The following TMEM51 variants were observed in gnomAD, a reference collection of about 807,000 sequenced individuals.
TMEM51 encodes transmembrane protein 51.
TMEM51 carries 8 observed loss-of-function variants against 13.6 expected under a neutral mutation model. The observed-to-expected ratio is 0.59, with a 90% CI of 0.35 to 1.07. The LOEUF (loss-of-function observed/expected upper bound fraction) is 1.07, where lower values mean the gene tolerates loss of function less well. TMEM51 is among the 50% of genes least tolerant of loss of function. The pLI is 0.02. For synonymous variants in TMEM51, 147 were observed against 144.4 expected (o/e 1.02, Z -0.13); for missense variants, 279 against 330.7 (o/e 0.84, Z 1.21).
At chr1:15,195,025 A>G (rs1242231220) in intron 1 of TMEM51, among the ~76,000 whole-genome samples, 1 of 149,030 alleles carries the variant, frequency 6.7e-6, no homozygotes, top group African/African-American at 2.5e-5. Flanking sequence ...CCCAGGCTCA[A>G]GTGATCCTCC....
upstream of TMEM51, chr1:15,152,585 C>G (rs139880916): frequency 1.0e-3 from 160 of 152,630 alleles, no homozygotes; most frequent in African/African-American, 3.5e-3. Context: ...GACGCTCACC[C>G]AAGAAGGGGA....
chr1:15,175,388 G>T (rs1461305391), intron 1 of TMEM51, among the ~76,000 whole-genome samples: 3 of 152,062 alleles, frequency 2.0e-5, no homozygotes, highest in Non-Finnish European at 4.4e-5. Context: ...CAATAAGAGC[G>T]AAACTCCATC....
intron 1 of TMEM51, among the ~76,000 whole-genome samples, chr1:15,173,241 A>G (rs1643353639): frequency 9.1e-6 from 1 of 109,746 alleles, no homozygotes; most frequent in Admixed American, 1.2e-4. Context: ...TTTTTTTGAA[A>G]CGGAGTTTCG....
At chr1:15,177,229 T>C (rs1202845599) in intron 1 of TMEM51, among the ~76,000 whole-genome samples, 3 of 152,138 alleles carry the variant, frequency 2.0e-5, no homozygotes, top group South Asian at 4.2e-4. Flanking sequence ...TTACATAAAA[T>C]AAATAACAAA....
intron 1 of TMEM51, among the ~76,000 whole-genome samples, chr1:15,194,917 CTTTTTTTTTT>C (rs34885407): frequency 1.1e-5 from 1 of 93,484 alleles, no homozygotes; most frequent in Non-Finnish European, 2.0e-5. Flanking sequence ...TATAATTTTA[CTTTTTTTTTT>C]TTTTTTTTTT....
chr1:15,208,447 A>C (rs1644286103), intron 1 of TMEM51, among the ~76,000 whole-genome samples: 1 of 152,108 alleles, frequency 6.6e-6, no homozygotes, highest in Non-Finnish European at 1.5e-5. Context: ...ACACAGCAAG[A>C]TTCCATCTCT....
rs1644322284 is a variant in TMEM51 at position 15,210,523 on chromosome 1, T to C, written c.-233T>C. 6.6e-6 allele frequency: 1 copy of C among 152,242 alleles called. No homozygotes were observed. The highest frequency in any genetic ancestry group is 1.5e-5 in the Non-Finnish European group (1 of 68,046). The allele number at this position is 152,242 out of a possible 1,614,324, so 9.4% of individuals were successfully genotyped here. On this transcript the variant is annotated 5_prime_UTR_variant, in exon 2 of 4. Transcript: ENST00000376008. Reference sequence around the variant, plus strand: ...TTAACTCAAGACTAGCATGAAGAGTTGCCTTCTGGCCTGCCCTGAGTCTCC... The same window carrying C: ...TTAACTCAAGACTAGCATGAAGAGTCGCCTTCTGGCCTGCCCTGAGTCTCC...
At chr1:15,184,180 C>T (rs1336752869) in intron 1 of TMEM51, among the ~76,000 whole-genome samples, 2 of 119,144 alleles carry the variant, frequency 1.7e-5, no homozygotes, top group African/African-American at 5.6e-5. Flanking sequence ...GCGTGCGCCA[C>T]CACACCAGGA....
chr1:15,207,361 C>A lies in TMEM51; in HGVS notation c.-266-3129C>A, dbSNP rs1019622510. ...CGATTCCCAGTTTCTAAACTGTGTC[C>A]TGGAGAGTTTCTGCAATTCAGCGAG... On this transcript the variant is annotated intron_variant, in intron 1 of 3. Coordinates refer to ENST00000376008, the MANE Select transcript of TMEM51 (RefSeq NM_001136218.2). The surrounding 1 kb of genome is among the most constrained non-coding windows in gnomAD (Gnocchi z 4.6). 5.3e-5 allele frequency among the ~76,000 whole-genome samples: 8 copies of A among 152,240 alleles called. No homozygotes were observed. Among genetic ancestry groups the A allele is most frequent in the African/African-American group, 1.4e-4 (6 of 41,466 alleles).
chr1:15,163,545 G>A (rs1325030574), intron 1 of TMEM51, among the ~76,000 whole-genome samples: 1 of 151,790 alleles, frequency 6.6e-6, no homozygotes, highest in Non-Finnish European at 1.5e-5. Context: ...ACTGCCCAGA[G>A]GCTTTAGAAA....
intron 1 of TMEM51, among the ~76,000 whole-genome samples, chr1:15,167,651 G>A (rs1278430193): frequency 6.6e-6 from 1 of 152,134 alleles, no homozygotes; most frequent in African/African-American, 2.4e-5. Flanking sequence ...CCAGCACCAG[G>A]GCTATGCAGG....
chr1:15,206,552 G>A (rs554865876), intron 1 of TMEM51, among the ~76,000 whole-genome samples: 15 of 152,232 alleles, frequency 9.9e-5, no homozygotes, highest in East Asian at 5.8e-4. Flanking sequence ...GCCACTTACC[G>A]GCTGTGTGGC....
chr1:15,199,824 C>A (rs1644119482), intron 1 of TMEM51, among the ~76,000 whole-genome samples: 1 of 151,986 alleles, frequency 6.6e-6, no homozygotes, highest in African/African-American at 2.4e-5. Flanking sequence ...TGCTGCTGGG[C>A]AGAGGTGGGA....
chr1:15,198,510 G>A (rs753625123), intron 1 of TMEM51, among the ~76,000 whole-genome samples: 9 of 152,174 alleles, frequency 5.9e-5, no homozygotes, highest in East Asian at 1.9e-4. Context: ...TCTGCCTCCC[G>A]GGTTCAAGTG....
chr1:15,219,762 C>A lies in TMEM51; in HGVS notation c.*19C>A. 6.2e-7 allele frequency: 1 copy of A among 1,608,482 alleles called. No individual in the cohort carries two copies. The highest frequency in any genetic ancestry group is 8.5e-7 in the Non-Finnish European group (1 of 1,177,394). On this transcript the variant is annotated 3_prime_UTR_variant, in exon 4 of 4. Coordinates refer to ENST00000376008, the MANE Select transcript of TMEM51 (RefSeq NM_001136218.2). ...CGACTGAATGGCCCCACTTGAGCCA[C>A]GCTCCCTCCTGTCTCTCACACCTTT...
intron 1 of TMEM51, among the ~76,000 whole-genome samples, chr1:15,195,610 C>T (rs1026260573): frequency 2.0e-5 from 3 of 152,178 alleles, no homozygotes; most frequent in Admixed American, 1.3e-4. Flanking sequence ...TTCTCTGAGT[C>T]TCTTGACTCA....
intron 1 of TMEM51, among the ~76,000 whole-genome samples, chr1:15,177,956 G>A (rs901210309): frequency 4.6e-5 from 7 of 152,166 alleles, no homozygotes; most frequent in South Asian, 2.1e-4. Context: ...AGGGAGACAC[G>A]ACTTATCAAA....
intron 1 of TMEM51, among the ~76,000 whole-genome samples, chr1:15,177,051 G>A (rs1284714025): frequency 6.6e-6 from 1 of 152,148 alleles, no homozygotes; most frequent in Non-Finnish European, 1.5e-5. Context: ...CTGGCCAGAT[G>A]GGAGGCAGCA....
chr1:15,220,069 T>G lies in TMEM51; in HGVS notation c.*326T>G. The G allele has an allele frequency of 6.3e-6, 2 of 315,916 alleles. No homozygotes were observed. Among genetic ancestry groups the G allele is most frequent in the East Asian group, 5.9e-5 (1 of 17,062 alleles). The allele number at this position is 315,916 out of a possible 1,614,324, so 19.6% of individuals were successfully genotyped here. ...ATTCTCCTTTCCAGCTAGGAAAGGG[T>G]TCCTCGCGGCTGGTTTAGATTGTGG... On this transcript the variant is annotated 3_prime_UTR_variant, in exon 4 of 4. Coordinates refer to ENST00000376008, the MANE Select transcript of TMEM51 (RefSeq NM_001136218.2).
Sources: gnomAD v4.1 joint callset for allele counts (sites outside exome capture counted in the v4.1 genomes callset) on GRCh38, gnomAD v4.1.1 for gene constraint, Gnocchi (gnomAD v3.1) non-coding constraint, MANE v1.5 for transcripts, NCBI Gene and HGNC (gene_info 2026-07-23, HGNC 2026-07-21) for gene names.